FRAS1: variants seen among roughly 807,000 people sequenced by gnomAD.
FRAS1 encodes the protein extracellular matrix organizing protein FRAS1.
FRAS1 carries 290 observed loss-of-function variants against 435.2 expected under a neutral mutation model. The observed-to-expected ratio is 0.67, with a 90% CI of 0.61 to 0.73. The LOEUF (loss-of-function observed/expected upper bound fraction) is 0.73. Among genes scored for constraint, FRAS1 ranks in the 30% least tolerant of loss-of-function variants. FRAS1 has a pLI of 0.00. For synonymous variants in FRAS1, 1,800 were observed against 1,851.0 expected, an observed-to-expected ratio of 0.97 and a Z score of 0.71; for missense variants, 4,860 against 5,001.5, an observed-to-expected ratio of 0.97 and a Z score of 0.85.
intron 2 of FRAS1, among the ~76,000 whole-genome samples, chr4:78,187,631 T>G (rs1359328105): frequency 4.6e-5 from 7 of 151,480 alleles, no homozygotes; most frequent in Admixed American, 4.6e-4. Flanking sequence ...TGAGATGGAG[T>G]CTTATTCTGT....
intron 2 of FRAS1, among the ~76,000 whole-genome samples, chr4:78,228,750 G>A (rs967209673): frequency 2.0e-5 from 3 of 152,090 alleles, no homozygotes; most frequent in South Asian, 2.1e-4. Flanking sequence ...CGAAAATATC[G>A]TGATCAACAG....
At position 78,163,959 on chromosome 4, in the gene FRAS1, C is replaced by T. The variant is rs143231560; in HGVS notation, c.109-73551C>T. 1.3e-3 allele frequency among the ~76,000 whole-genome samples: 198 copies of T among 152,294 alleles called. 1 individual carries two copies. Among genetic ancestry groups the T allele is most frequent in the Non-Finnish European group, 2.4e-3 (165 of 68,024 alleles). On this transcript the variant is annotated intron_variant, in intron 2 of 73. Transcript: ENST00000512123. ...GAGATTTTTTGCTCTGCTTGTCCAA[C>T]CTCCCATGCCCACTGCCCCACCCAC...
chr4:78,282,824 G>T lies in FRAS1; in HGVS notation c.1112G>T (p.Gly371Val), dbSNP rs1727394425. ...GTTCTTCACTTTTTTGCGTAGGAGG[G>T]AGAGAAGTGGGAAGATGGCCCTTGC... ...NASEVKRIPE[G>V]EKWEDGPCKV... The change falls in exon 12 of 74, where the codon GGA becomes GTA. Residue 371 changes from glycine to valine, a missense_variant. By Grantham distance (109) the Gly-to-Val change is moderately radical (BLOSUM62 -3). Transcript: ENST00000512123. 6.2e-7 allele frequency: 1 copy of T among 1,613,342 alleles called. No individual in the cohort carries two copies. Among genetic ancestry groups the T allele is most frequent in the African/African-American group, 1.3e-5 (1 of 75,010 alleles).
At position 78,448,826 on chromosome 4, in the gene FRAS1, A is replaced by G. The variant is rs150609694; in HGVS notation, c.6274+510A>G. On this transcript the variant is annotated intron_variant, in intron 44 of 73. Transcript: ENST00000512123. ...GGGTTTAACATTCACAATTTTGCTC[A>G]TGTTTAAGCAACATTGGAGGACCTG... Among the ~76,000 whole-genome samples, 646 of 152,344 alleles carry G rather than the reference A, an allele frequency of 4.2e-3. 4 individuals are homozygous for G. The highest frequency in any genetic ancestry group is 0.015 in the African/African-American group (627 of 41,574).
At chr4:78,071,817 G>A (rs919040965) in intron 2 of FRAS1, 10 of 152,222 alleles carry the variant, frequency 6.6e-5, no homozygotes, top group South Asian at 2.1e-4. Context: ...AATTCTTAAC[G>A]TACTCTAGTA....
chr4:78,304,286 A>G (rs1419569642), intron 14 of FRAS1, among the ~76,000 whole-genome samples: 4 of 152,160 alleles, frequency 2.6e-5, no homozygotes, highest in Non-Finnish European at 4.4e-5. Context: ...TTTTGCATCA[A>G]TGTTCATCAA....
chr4:78,297,611 G>A (rs867931896), intron 14 of FRAS1, among the ~76,000 whole-genome samples: 1 of 152,290 alleles, frequency 6.6e-6, no homozygotes. Flanking sequence ...CCAACCACAT[G>A]TCTGGTTATG....
intron 4 of FRAS1, among the ~76,000 whole-genome samples, chr4:78,249,689 T>G (rs945542794): frequency 2.0e-5 from 3 of 152,186 alleles, no homozygotes; most frequent in African/African-American, 7.2e-5. Context: ...TGCTTAATTT[T>G]ATGTCTTTTG....
rs77984769 is a variant in FRAS1, at chr4:78,360,511, A to G, written c.2423-3002A>G. Among the ~76,000 whole-genome samples, 153 of 152,276 alleles carry G rather than the reference A, an allele frequency of 1.0e-3. 3 individuals carry two copies. The East Asian group carries it at 0.029, about 28-fold the overall frequency. On this transcript the variant is annotated intron_variant, in intron 20 of 73. Coordinates refer to ENST00000512123, the MANE Select transcript of FRAS1 (RefSeq NM_025074.7). Reference sequence around the variant, plus strand: ...TGGAATAATATTGAAAATTGGATCAAGAATATAGGTGTAGGCATTAGCCAT... The same window carrying G: ...TGGAATAATATTGAAAATTGGATCAGGAATATAGGTGTAGGCATTAGCCAT...
intron 4 of FRAS1, among the ~76,000 whole-genome samples, chr4:78,251,869 C>T (rs1725546378): frequency 6.6e-6 from 1 of 152,020 alleles, no homozygotes; most frequent in Non-Finnish European, 1.5e-5. Context: ...GCTTGTCCTC[C>T]CTGTTGGCTA....
intron 23 of FRAS1, among the ~76,000 whole-genome samples, chr4:78,371,635 T>C (rs945463188): frequency 1.1e-4 from 16 of 152,156 alleles, no homozygotes; most frequent in African/African-American, 3.6e-4. Context: ...TGTAGGATAA[T>C]ATAGAGAAAA....
chr4:78,467,691 C>T (rs537220881), intron 50 of FRAS1, among the ~76,000 whole-genome samples: 1 of 152,172 alleles, frequency 6.6e-6, no homozygotes, highest in African/African-American at 2.4e-5. Flanking sequence ...TTCCCACCAA[C>T]AGTGTATGAG....
chr4:78,319,535 AG>A (rs1729413333), intron 18 of FRAS1: 1 of 395,726 alleles, frequency 2.5e-6, no homozygotes, highest in Non-Finnish European at 5.2e-6. Context: ...TGTTCCCACA[AG>A]TAGCCTTGCT....
chr4:78,461,684 T>A (rs1364637410), intron 47 of FRAS1, among the ~76,000 whole-genome samples: 1 of 152,130 alleles, frequency 6.6e-6, no homozygotes, highest in Non-Finnish European at 1.5e-5. Context: ...GGAAAAGCAG[T>A]TTAGCAGTTT....
Position 78,387,574 on chromosome 4 carries a change from A to C in FRAS1, c.3848A>C (p.Glu1283Ala), listed in dbSNP as rs764407552. Residue 1283 changes from glutamate (E) to alanine (A), a missense_variant, in exon 29 of 74, where the codon GAA (glutamate) becomes GCA (alanine). Transcript: ENST00000512123. ...CCTATCTATCAATTCCAGCTGGATG[A>C]ACTCTCTAGAGGCCTTCTCCACTAT... ...ATPIYQFQLD[E>A]LSRGLLHYAH... is the part of the protein sequence containing the mutation. 7.4e-6 allele frequency: 12 copies of C among 1,613,716 alleles called. No homozygotes were observed. In the Admixed American group the frequency reaches 1.2e-4, roughly 16 times the overall value.
chr4:78,260,455 C>G (rs1426744793), intron 6 of FRAS1, among the ~76,000 whole-genome samples: 2 of 152,046 alleles, frequency 1.3e-5, no homozygotes, highest in Non-Finnish European at 2.9e-5. Context: ...ATTTTATTCT[C>G]TTTGAAGCAA....
chr4:78,154,050 A>T (rs1458279624), intron 2 of FRAS1, among the ~76,000 whole-genome samples: 1 of 151,894 alleles, frequency 6.6e-6, no homozygotes, highest in Non-Finnish European at 1.5e-5. Context: ...CAAAATTTGG[A>T]TTGCAGATTA....
At position 78,136,227 on chromosome 4, in the gene FRAS1, G is replaced by A. The variant is rs752596436; in HGVS notation, c.108+70211G>A. Among the ~76,000 whole-genome samples, 6 of 152,278 alleles carry A rather than the reference G, an allele frequency of 3.9e-5. No homozygotes were observed. The East Asian group carries it at 5.8e-4, about 15-fold the overall frequency. On this transcript the variant is annotated intron_variant, in intron 2 of 73. Transcript: ENST00000512123. ...AAAAGCACAACATTGTGAAAAACAG[G>A]ACACTAAATAGACTGTGAAAAGGAC... is the stretch of plus-strand genomic sequence containing the variant.
chr4:78,281,572 G>C, intron 11 of FRAS1, 139 bp downstream of exon 11: 1 of 537,414 alleles, frequency 1.9e-6, no homozygotes, highest in Non-Finnish European at 3.2e-6. Flanking sequence ...CAGGAATTAA[G>C]AATCTTAATG....
Sources: gnomAD v4.1 joint callset for allele counts (sites outside exome capture counted in the v4.1 genomes callset) on GRCh38, gnomAD v4.1.1 for gene constraint, MANE v1.5 for transcripts, NCBI Gene and HGNC (gene_info 2026-07-23, HGNC 2026-07-21) for gene names.